The following EPHA6 variants were observed in gnomAD, a reference collection of about 807,000 sequenced individuals.
EPHA6 encodes the protein EPH receptor A6, also known as ephrin type-A receptor 6.
A neutral mutation model predicts 112.0 loss-of-function variants in EPHA6; 50 were observed. That is an observed-to-expected ratio of 0.45 (90% CI 0.36 to 0.56). EPHA6 has a LOEUF of 0.56. Ranked by LOEUF, EPHA6 falls within the 20% of genes least tolerant of loss-of-function variation. The pLI is 0.00. For missense variants in EPHA6, 1,280 were observed against 1,417.4 expected (o/e 0.90, Z 1.56); for synonymous variants, 529 against 490.7 (o/e 1.08, Z -1.03).
intron 6 of EPHA6, among the ~76,000 whole-genome samples, chr3:97,406,956 C>A (rs1257134690): frequency 1.3e-5 from 2 of 152,038 alleles, no homozygotes; most frequent in Non-Finnish European, 2.9e-5. Flanking sequence ...ATTTAACAAG[C>A]AATGTGCATA....
Position 97,256,555 on chromosome 3 carries a change from A to G in EPHA6, c.1606+12268A>G, listed in dbSNP as rs79687656. On this transcript the variant is annotated intron_variant, in intron 5 of 17. Transcript: ENST00000389672. ...TACACTGTCTAAACTTAACACAGAT[A>G]TGGCAAGCAGATGGTATTTCTATAC... Among the ~76,000 whole-genome samples, 1,432 of 152,196 alleles carry G rather than the reference A, an allele frequency of 9.4e-3. 19 individuals are homozygous for G. Among genetic ancestry groups the G allele is most frequent in the African/African-American group, 0.032 (1,347 of 41,570 alleles).
rs780473363 is a variant in EPHA6, at chr3:97,456,234, ATTTCT to A, written c.1894+7508_1894+7512del. ...GGAAGTTTTTACAAGATCAGGGAACATTTCTTTTGTTTCTTTTTTTAAAAGATTCT... is the reference window on the plus strand; with the variant it reads ...GGAAGTTTTTACAAGATCAGGGAACATTTGTTTCTTTTTTTAAAAGATTCT... On this transcript the variant is annotated intron_variant, in intron 7 of 17. Coordinates refer to ENST00000389672, the MANE Select transcript of EPHA6 (RefSeq NM_001080448.3). 4.6e-5 allele frequency among the ~76,000 whole-genome samples: 7 copies of A among 152,184 alleles called. No homozygotes were observed. The East Asian group carries it at 5.8e-4, about 13-fold the overall frequency.
chr3:97,150,339 G>C (rs756767277), intron 3 of EPHA6, among the ~76,000 whole-genome samples: 9 of 151,996 alleles, frequency 5.9e-5, no homozygotes, highest in African/African-American at 9.7e-5. Flanking sequence ...GAAGACGTTT[G>C]TATAGCTAAC....
intron 5 of EPHA6, among the ~76,000 whole-genome samples, chr3:97,256,639 A>AT (rs2079325157): frequency 6.6e-6 from 1 of 151,818 alleles, no homozygotes; most frequent in South Asian, 2.1e-4. Context: ...GTAACTAATC[A>AT]TTTTTTTCAT....
intron 14 of EPHA6, among the ~76,000 whole-genome samples, chr3:97,692,647 A>T (rs1247914851): frequency 5.3e-5 from 8 of 151,914 alleles, no homozygotes; most frequent in Non-Finnish European, 1.2e-4. Context: ...TCTCTGTGTG[A>T]CTCGTTTGCT....
At chr3:97,346,646 C>T (rs986550360) in intron 5 of EPHA6, among the ~76,000 whole-genome samples, 10 of 150,688 alleles carry the variant, frequency 6.6e-5, no homozygotes, top group East Asian at 3.9e-4. Flanking sequence ...CATGACCCAA[C>T]GTGTATACAT....
At chr3:97,406,492 C>T (rs552107345) in intron 6 of EPHA6, among the ~76,000 whole-genome samples, 2 of 152,214 alleles carry the variant, frequency 1.3e-5, no homozygotes, top group East Asian at 3.9e-4. Context: ...AAGCCATAGT[C>T]TTCATGGCCT....
At position 97,756,644 on chromosome 3, in the gene EPHA6, C is replaced by T. The variant is rs1371085764; in HGVS notation, c.*7943C>T. 6.6e-6 allele frequency among the ~76,000 whole-genome samples: 1 copy of T among 151,522 alleles called. No homozygotes were observed. The highest frequency in any genetic ancestry group is 1.9e-4 in the East Asian group (1 of 5,196). On this transcript the variant is annotated 3_prime_UTR_variant, in exon 18 of 18. Coordinates refer to ENST00000389672, the MANE Select transcript of EPHA6 (RefSeq NM_001080448.3). ...ATGCAAAAATATCATTTTATTCTTA[C>T]CAAAAAAATGTAGCTTTGATAAAAT...
intron 5 of EPHA6, among the ~76,000 whole-genome samples, chr3:97,249,278 G>T (rs2079067614): frequency 2.0e-5 from 3 of 152,048 alleles, no homozygotes; most frequent in Admixed American, 1.3e-4. Flanking sequence ...CAAAAGTGTT[G>T]TTCCCCTGAA....
intron 11 of EPHA6, among the ~76,000 whole-genome samples, chr3:97,553,375 C>A (rs573165780): frequency 4.6e-5 from 7 of 152,072 alleles, no homozygotes; most frequent in African/African-American, 1.4e-4. Context: ...CTAAAGTAGC[C>A]CTCCCCAACC....
intron 1 of EPHA6, among the ~76,000 whole-genome samples, chr3:96,837,995 A>C (rs1361684311): frequency 6.6e-6 from 1 of 152,072 alleles, no homozygotes; most frequent in Non-Finnish European, 1.5e-5. Flanking sequence ...TAAGCCCAGC[A>C]TCCATTAGCT....
intron 2 of EPHA6, among the ~76,000 whole-genome samples, chr3:96,980,031 G>T (rs960540592): frequency 6.6e-6 from 1 of 152,128 alleles, no homozygotes; most frequent in Non-Finnish European, 1.5e-5. Flanking sequence ...GGTTTCTTTT[G>T]CTGTGCAGAA....
At chr3:97,359,186 A>G (rs1264981650) in intron 5 of EPHA6, among the ~76,000 whole-genome samples, 3 of 151,886 alleles carry the variant, frequency 2.0e-5, no homozygotes, top group African/African-American at 4.8e-5. Flanking sequence ...TACATTGCAT[A>G]TACTGATCTG....
chr3:97,352,397 G>A (rs1443389889), intron 5 of EPHA6, among the ~76,000 whole-genome samples: 11 of 152,156 alleles, frequency 7.2e-5, no homozygotes, highest in Non-Finnish European at 1.2e-4. Flanking sequence ...GCAGTGAAGA[G>A]GGTAGGAAAG....
chr3:97,529,714 A>G (rs984443763), intron 10 of EPHA6, among the ~76,000 whole-genome samples: 1 of 151,980 alleles, frequency 6.6e-6, no homozygotes, highest in Non-Finnish European at 1.5e-5. Context: ...TCTGTTACTG[A>G]GCTTTTTGGA....
intron 3 of EPHA6, among the ~76,000 whole-genome samples, chr3:97,162,272 T>C (rs1221866592): frequency 1.3e-5 from 2 of 152,164 alleles, no homozygotes; most frequent in Non-Finnish European, 2.9e-5. Flanking sequence ...TTTACAATTT[T>C]CCTAGGTAGA....
chr3:97,145,294 C>T (rs961919550), intron 3 of EPHA6, among the ~76,000 whole-genome samples: 2 of 151,272 alleles, frequency 1.3e-5, no homozygotes, highest in Non-Finnish European at 3.0e-5. Flanking sequence ...ATCTGTTTAT[C>T]ATACTTTATA....
intron 2 of EPHA6, among the ~76,000 whole-genome samples, chr3:96,881,296 A>T (rs984702741): frequency 3.9e-5 from 6 of 152,208 alleles, no homozygotes; most frequent in African/African-American, 1.4e-4. Context: ...GAAGAAAAAT[A>T]GGTTTATTGT....
At chr3:97,332,843 T>G (rs1259790812) in intron 5 of EPHA6, among the ~76,000 whole-genome samples, 1 of 152,156 alleles carries the variant, frequency 6.6e-6, no homozygotes, top group Non-Finnish European at 1.5e-5. Context: ...CCTTCAATAC[T>G]ACACTGTCTG....
Sources: gnomAD v4.1 joint callset for allele counts (sites outside exome capture counted in the v4.1 genomes callset) on GRCh38, gnomAD v4.1.1 for gene constraint, MANE v1.5 for transcripts, NCBI Gene and HGNC (gene_info 2026-07-23, HGNC 2026-07-21) for gene names.